Variants in PICALM observed in about 807,000 individuals in gnomAD.
PICALM encodes phosphatidylinositol binding clathrin assembly protein.
A neutral mutation model predicts 80.5 loss-of-function variants in PICALM; 40 were observed. The observed-to-expected ratio is 0.50, with a 90% CI of 0.39 to 0.65. The LOEUF (loss-of-function observed/expected upper bound fraction) is 0.65. Ranked by LOEUF, PICALM falls within the 30% of genes least tolerant of loss-of-function variation. The probability of loss-of-function intolerance (pLI) is 0.00; values close to 1 mark genes in which losing one functional copy is unlikely to be tolerated. For missense variants in PICALM, 676 were observed against 778.9 expected (o/e 0.87, Z 1.57); for synonymous variants, 288 against 260.3 (o/e 1.11, Z -1.02).
At chr11:86,065,118 G>A (rs139833645) in intron 1 of PICALM, among the ~76,000 whole-genome samples, 1 of 151,858 alleles carries the variant, frequency 6.6e-6, no homozygotes, top group African/African-American at 2.4e-5. Flanking sequence ...TGTAAGATCA[G>A]ATAAAAATGA....
At chr11:85,967,561 G>A (rs558326420) in intron 19 of PICALM, among the ~76,000 whole-genome samples, 41 of 152,298 alleles carry the variant, frequency 2.7e-4, no homozygotes, top group African/African-American at 7.9e-4. Flanking sequence ...CCAAGGAAAC[G>A]TCCCTCATGG....
chr11:85,970,700 G>A (rs530174953), intron 19 of PICALM, among the ~76,000 whole-genome samples: 181 of 152,164 alleles, frequency 1.2e-3, no homozygotes, highest in Admixed American at 1.9e-3. Context: ...CCCAGCTGCC[G>A]GGGAGGCTGA....
intron 19 of PICALM, among the ~76,000 whole-genome samples, chr11:85,971,256 A>G (rs2094103176): frequency 6.6e-6 from 1 of 152,166 alleles, no homozygotes; most frequent in Admixed American, 6.5e-5. Flanking sequence ...TTCAAATTTT[A>G]TCTTTCAACT....
chr11:85,976,130 G>A (rs1411920971), intron 18 of PICALM, among the ~76,000 whole-genome samples: 2 of 152,074 alleles, frequency 1.3e-5, no homozygotes, highest in Admixed American at 1.3e-4. Context: ...ACTGAGAGTT[G>A]GGAAACTAAG....
chr11:86,030,479 T>C (rs999034302), intron 2 of PICALM, among the ~76,000 whole-genome samples: 1 of 152,020 alleles, frequency 6.6e-6, no homozygotes, highest in Non-Finnish European at 1.5e-5. Context: ...GGGCTGCATT[T>C]TTCTAAGGCA....
chr11:86,061,983 T>C (rs2096373725), intron 1 of PICALM, among the ~76,000 whole-genome samples: 1 of 151,512 alleles, frequency 6.6e-6, no homozygotes, highest in Non-Finnish European at 1.5e-5. Flanking sequence ...CGTAAACGCA[T>C]ATTAGTACGT....
At chr11:86,063,634 TG>T (rs2096401791) in intron 1 of PICALM, among the ~76,000 whole-genome samples, 1 of 152,148 alleles carries the variant, frequency 6.6e-6, no homozygotes, top group African/African-American at 2.4e-5. Context: ...TGTTCTGCCA[TG>T]GCGACAGAAA....
intron 5 of PICALM, among the ~76,000 whole-genome samples, chr11:86,014,629 TCAC>T (rs1479136033): frequency 6.6e-6 from 1 of 152,162 alleles, no homozygotes; most frequent in Non-Finnish European, 1.5e-5. Flanking sequence ...ATCAATCCTT[TCAC>T]CACTTTAGCT....
At chr11:86,024,622 TACTGC>T (rs1292883702) in intron 3 of PICALM, among the ~76,000 whole-genome samples, 1 of 152,082 alleles carries the variant, frequency 6.6e-6, no homozygotes, top group Non-Finnish European at 1.5e-5. Context: ...CTCCTCTCTC[TACTGC>T]ATTATAAAAT....
intron 1 of PICALM, among the ~76,000 whole-genome samples, chr11:86,056,187 A>G (rs1016133339): frequency 6.7e-6 from 1 of 150,250 alleles, no homozygotes; most frequent in East Asian, 1.9e-4. Context: ...GAAAATTTAA[A>G]ACTTTTGTGC....
chr11:86,034,633 T>C (rs1158554826), intron 1 of PICALM, among the ~76,000 whole-genome samples: 2 of 152,134 alleles, frequency 1.3e-5, no homozygotes, highest in African/African-American at 4.8e-5. Flanking sequence ...TATTCATTAT[T>C]AACAATTTCT....
intron 6 of PICALM, 40 bp from the exon 7 acceptor site, chr11:86,011,176 A>C: frequency 2.3e-6 from 2 of 871,816 alleles, no homozygotes; most frequent in Non-Finnish European, 3.6e-6. Context: ...TTCACATCAA[A>C]ATATAACACC....
chr11:86,004,245 T>A (rs1178328008), intron 8 of PICALM, among the ~76,000 whole-genome samples: 1 of 151,990 alleles, frequency 6.6e-6, no homozygotes, highest in African/African-American at 2.4e-5. Flanking sequence ...TAAAGAAGAA[T>A]TAATTAATGG....
At chr11:85,967,017 T>C (rs554534861) in intron 19 of PICALM, among the ~76,000 whole-genome samples, 1 of 152,374 alleles carries the variant, frequency 6.6e-6, no homozygotes, top group East Asian at 1.9e-4. Context: ...TAATCAAGTT[T>C]GTGGTACACT....
chr11:86,000,625 C>T lies in PICALM; in HGVS notation c.1154+18G>A, dbSNP rs748865970. On this transcript the variant is annotated intron_variant, in intron 11 of 19. Coordinates refer to ENST00000393346, the MANE Select transcript of PICALM (RefSeq NM_007166.4). ...TTGAACCTACATATTCAAAGGTAACCTTAACTTCTACTCCTACCTGTTAGA... is the reference window on the plus strand; with the variant it reads ...TTGAACCTACATATTCAAAGGTAACTTTAACTTCTACTCCTACCTGTTAGA... 24 of 1,600,820 alleles carry T rather than the reference C, an allele frequency of 1.5e-5. No individual in the cohort carries two copies. In the East Asian group the frequency reaches 5.1e-4, roughly 34 times the overall value.
chr11:85,974,473 A>G (rs768117725), intron 19 of PICALM: 17 of 629,818 alleles, frequency 2.7e-5, no homozygotes, highest in Non-Finnish European at 5.1e-5. Flanking sequence ...TGGATCTACC[A>G]ACTATAAGTT....
intron 19 of PICALM, chr11:85,960,560 G>A (rs1249584709): frequency 4.7e-6 from 2 of 428,320 alleles, no homozygotes; most frequent in African/African-American, 2.1e-5. Context: ...AGGAGGAGGA[G>A]GAGAGGGAGC....
chr11:86,008,863 C>T (rs922554732), intron 7 of PICALM, among the ~76,000 whole-genome samples: 3 of 133,146 alleles, frequency 2.3e-5, no homozygotes, highest in Non-Finnish European at 3.1e-5. Context: ...GGCTAAGAGG[C>T]GGGAGGATAG....
chr11:85,996,148 A>C (rs1027182005), intron 12 of PICALM, among the ~76,000 whole-genome samples: 1 of 152,170 alleles, frequency 6.6e-6, no homozygotes, highest in Non-Finnish European at 1.5e-5. Context: ...AATTCAAATC[A>C]TTAAAATAAA....
Sources: allele counts gnomAD v4.1 joint callset (sites outside exome capture counted in the v4.1 genomes callset), GRCh38; gene constraint gnomAD v4.1.1; transcripts MANE v1.5; gene names NCBI Gene and HGNC (gene_info 2026-07-23, HGNC 2026-07-21).